Variants in CERKL observed in about 807,000 individuals in gnomAD.
CERKL encodes the protein ceramide kinase-like protein.
A neutral mutation model predicts 63.4 loss-of-function variants in CERKL; 61 were observed. The ratio of observed to expected loss-of-function variants is 0.96; its 90% CI spans 0.78 to 1.19. The LOEUF is 1.19. CERKL is among the 50% of genes most tolerant of loss of function. CERKL has a pLI of 0.00. For synonymous variants in CERKL, 250 were observed against 230.5 expected, an observed-to-expected ratio of 1.08 and a Z score of -0.77; for missense variants, 675 against 655.5, an observed-to-expected ratio of 1.03 and a Z score of -0.33.
chr2:181,609,820 A>G (rs1305774111), intron 1 of CERKL, among the ~76,000 whole-genome samples: 1 of 152,156 alleles, frequency 6.6e-6, no homozygotes, highest in African/African-American at 2.4e-5. Flanking sequence ...ATCAGGAAAC[A>G]ATTACACATT....
chr2:181,654,855 G>A (rs559744904), intron 1 of CERKL, among the ~76,000 whole-genome samples: 13 of 152,096 alleles, frequency 8.5e-5, no homozygotes, highest in Admixed American at 6.5e-4. Flanking sequence ...TGTGATCTCC[G>A]CTCACAGCAA....
chr2:181,569,553 C>T (rs1331391990), intron 3 of CERKL, among the ~76,000 whole-genome samples: 2 of 152,166 alleles, frequency 1.3e-5, no homozygotes, highest in Non-Finnish European at 2.9e-5. Flanking sequence ...ACAAACACCA[C>T]TTTCTTGACA....
intron 2 of CERKL, among the ~76,000 whole-genome samples, chr2:181,599,269 C>A (rs1488742685): frequency 1.3e-5 from 2 of 152,094 alleles, no homozygotes; most frequent in African/African-American, 4.8e-5. Context: ...GGCATGGTGG[C>A]TCACACCTGT....
Position 181,604,045 on chromosome 2 carries a change from T to A in CERKL, c.273A>T (p.Glu91Asp), listed in dbSNP as rs1182208052. Residue 91 changes from glutamate to aspartate, a missense_variant, in exon 2 of 13, where the codon GAA becomes GAT. Physicochemically the swap from Glu to Asp is conservative, Grantham distance 45. Transcript: ENST00000410087. ...AGAATATGTCTTTGAGTTCAATAAA[T>A]TCTTCTTTACATAGCAAGTCATACT... is the stretch of plus-strand genomic sequence containing the variant. ...DSKYDLLCKE[E>D]FIELKDIFSV... 5 of 1,606,804 alleles carry A rather than the reference T, an allele frequency of 3.1e-6. No homozygotes were observed. Among genetic ancestry groups the A allele is most frequent in the Non-Finnish European group, 3.4e-6 (4 of 1,174,196 alleles).
chr2:181,540,594 A>G (rs1228570510), intron 11 of CERKL, among the ~76,000 whole-genome samples: 1 of 152,182 alleles, frequency 6.6e-6, no homozygotes, highest in East Asian at 1.9e-4. Context: ...TAAGCCAAGG[A>G]ATGTCAAGAA....
intron 1 of CERKL, among the ~76,000 whole-genome samples, chr2:181,625,377 A>T (rs187096324): frequency 1.6e-4 from 25 of 152,258 alleles, no homozygotes; most frequent in African/African-American, 5.5e-4. Context: ...CAAAAAAAAA[A>T]AATAAATGGG....
At chr2:181,554,983 A>T (rs1273277694) in intron 5 of CERKL, among the ~76,000 whole-genome samples, 1 of 152,174 alleles carries the variant, frequency 6.6e-6, no homozygotes, top group Non-Finnish European at 1.5e-5. Flanking sequence ...GTGTCTTCTA[A>T]ACAAGACAGG....
chr2:181,594,164 A>C (rs1685097319), intron 2 of CERKL, among the ~76,000 whole-genome samples: 1 of 152,224 alleles, frequency 6.6e-6, no homozygotes. Flanking sequence ...CAAGTGTTAG[A>C]AATAAAAAAT....
At chr2:181,616,861 T>C (rs1574502377) in intron 1 of CERKL, among the ~76,000 whole-genome samples, 1 of 152,204 alleles carries the variant, frequency 6.6e-6, no homozygotes, top group Non-Finnish European at 1.5e-5. Context: ...TCAGGAGAAA[T>C]TGGTGAATTA....
chr2:181,627,560 A>G (rs983853494), intron 1 of CERKL, among the ~76,000 whole-genome samples: 8 of 152,212 alleles, frequency 5.3e-5, no homozygotes, highest in African/African-American at 1.9e-4. Flanking sequence ...TCCTAGTCAC[A>G]ATGCAAAATT....
rs1559062473 is a variant in CERKL at position 181,536,949 on chromosome 2, C to T, written c.*1235G>A. The T allele has an allele frequency of 4.4e-6, 2 of 453,136 alleles. No homozygotes were observed. The highest frequency in any genetic ancestry group is 4.0e-5 in the African/African-American group (2 of 49,924). 28.1% of individuals were successfully genotyped at this position (453,136 alleles called of 1,614,324 possible). A position where few individuals can be genotyped will look rare whatever the true frequency, so the allele number is the denominator to read the frequency against. The stretch of plus-strand genomic sequence containing the variant: ...GGAAAGATTTCTTTATATGAAGTCC[C>T]TGCCACTAGCCAGCCATCCTAATTG... On this transcript the variant is annotated 3_prime_UTR_variant, in exon 13 of 13. Transcript: ENST00000410087.
intron 1 of CERKL, among the ~76,000 whole-genome samples, chr2:181,634,605 G>A (rs565131265): frequency 1.3e-5 from 2 of 152,110 alleles, no homozygotes; most frequent in South Asian, 2.1e-4. Flanking sequence ...CTTATAAAGG[G>A]ACTTACCAAA....
chr2:181,593,097 T>C (rs1056440826), intron 2 of CERKL, among the ~76,000 whole-genome samples: 3 of 152,116 alleles, frequency 2.0e-5, no homozygotes, highest in Non-Finnish European at 4.4e-5. Flanking sequence ...CTCAGTAACC[T>C]AGCTAGATTG....
At chr2:181,573,180 C>G (rs1379180548) in intron 3 of CERKL, among the ~76,000 whole-genome samples, 5 of 152,106 alleles carry the variant, frequency 3.3e-5, no homozygotes, top group African/African-American at 1.2e-4. Flanking sequence ...AAGGATATTA[C>G]TAATCATCTA....
At chr2:181,644,389 A>G (rs890839986) in intron 1 of CERKL, among the ~76,000 whole-genome samples, 2 of 152,240 alleles carry the variant, frequency 1.3e-5, no homozygotes, top group African/African-American at 2.4e-5. Context: ...AAATAAACCC[A>G]TGTATGATTC....
chr2:181,618,041 T>C (rs1456229904), intron 1 of CERKL, among the ~76,000 whole-genome samples: 2 of 152,144 alleles, frequency 1.3e-5, no homozygotes, highest in Non-Finnish European at 2.9e-5. Flanking sequence ...AAATACCACA[T>C]GTTCTCACTT....
chr2:181,639,699 A>G (rs1687338982), intron 1 of CERKL, among the ~76,000 whole-genome samples: 1 of 152,220 alleles, frequency 6.6e-6, no homozygotes, highest in Admixed American at 6.5e-5. Context: ...GGGACAGTGC[A>G]GGCTCTGGAG....
chr2:181,617,239 T>G (rs924474734), intron 1 of CERKL: 1 of 152,246 alleles, frequency 6.6e-6, no homozygotes, highest in Non-Finnish European at 1.5e-5. Context: ...GTAATAACAA[T>G]GGAAAGTATA....
chr2:181,558,269 C>T lies in CERKL; in HGVS notation c.820+297G>A, dbSNP rs568507859. Among the ~76,000 whole-genome samples, 13 of 152,238 alleles carry T rather than the reference C, an allele frequency of 8.5e-5. No individual in the cohort carries two copies. The highest frequency in any genetic ancestry group is 1.2e-4 in the Non-Finnish European group (8 of 68,018). ...TGCGAAGGGAGAATAATAACCATTC[C>T]ATATACTGATGGTTTAACTATATAT... On this transcript the variant is annotated intron_variant, in intron 5 of 12. Coordinates refer to ENST00000410087, the MANE Select transcript of CERKL (RefSeq NM_201548.5). This position sits in a 1 kb window ranked among gnomAD's most constrained non-coding sequence, Gnocchi z 4.2.
Sources: gnomAD v4.1 joint callset for allele counts (sites outside exome capture counted in the v4.1 genomes callset) on GRCh38, gnomAD v4.1.1 for gene constraint, Gnocchi (gnomAD v3.1) non-coding constraint, MANE v1.5 for transcripts, NCBI Gene and HGNC (gene_info 2026-07-23, HGNC 2026-07-21) for gene names.